The following ST3GAL3 variants were observed in gnomAD, a reference collection of about 807,000 sequenced individuals.
The protein encoded by ST3GAL3 is CMP-N-acetylneuraminate-beta-1,4-galactoside alpha-2,3-sialyltransferase.
In ST3GAL3, 21 loss-of-function variants were observed where a neutral mutation model predicts 50.1. That is an observed-to-expected ratio of 0.42 (90% CI 0.30 to 0.60). The LOEUF (loss-of-function observed/expected upper bound fraction) is 0.60, where lower values mean the gene tolerates loss of function less well. Among genes scored for constraint, ST3GAL3 ranks in the 20% least tolerant of loss-of-function variants. The probability of loss-of-function intolerance (pLI) is 0.19; values close to 1 mark genes in which losing one functional copy is unlikely to be tolerated. For missense variants in ST3GAL3, 353 were observed against 489.4 expected, an observed-to-expected ratio of 0.72 and a Z score of 2.63; for synonymous variants, 183 against 190.0, an observed-to-expected ratio of 0.96 and a Z score of 0.30.
At chr1:43,887,778 G>C (rs1054494789) in intron 5 of ST3GAL3, among the ~76,000 whole-genome samples, 1 of 152,118 alleles carries the variant, frequency 6.6e-6, no homozygotes, top group Non-Finnish European at 1.5e-5. Context: ...TGATGGAGGT[G>C]AGGATGATGT....
chr1:43,869,057 AAGG>A (rs1259095183), intron 5 of ST3GAL3, among the ~76,000 whole-genome samples: 1 of 152,146 alleles, frequency 6.6e-6, no homozygotes, highest in Non-Finnish European at 1.5e-5. Flanking sequence ...GGGTAAGTCC[AAGG>A]AGAAGATGGT....
chr1:43,844,554 G>A (rs890863168), intron 5 of ST3GAL3, among the ~76,000 whole-genome samples: 1 of 152,180 alleles, frequency 6.6e-6, no homozygotes, highest in Admixed American at 6.5e-5. Flanking sequence ...GCTTACGCCT[G>A]TAATCGCAGC....
At position 43,928,877 on chromosome 1, in the gene ST3GAL3, C is replaced by A. The variant is rs1221120341; in HGVS notation, c.1039-1255C>A. 2.6e-5 allele frequency among the ~76,000 whole-genome samples: 4 copies of A among 152,162 alleles called. No homozygotes were observed. In the East Asian group the frequency reaches 7.7e-4, roughly 29 times the overall value. On this transcript the variant is annotated intron_variant, in intron 11 of 11. Coordinates refer to ENST00000347631, the MANE Select transcript of ST3GAL3 (RefSeq NM_006279.5). Reference sequence around the variant, plus strand: ...TGAGCTGAGATCACACCACTGCACACCAGCCTGGGCAACAAGAGCGAAACT... The same window carrying A: ...TGAGCTGAGATCACACCACTGCACAACAGCCTGGGCAACAAGAGCGAAACT...
intron 1 of ST3GAL3, among the ~76,000 whole-genome samples, chr1:43,725,086 C>T (rs914607818): frequency 1.3e-5 from 2 of 152,158 alleles, no homozygotes; most frequent in African/African-American, 4.8e-5. Context: ...GAGCCACTTC[C>T]CTCTCTGGGA....
chr1:43,898,905 C>T (rs1367975438), intron 7 of ST3GAL3, among the ~76,000 whole-genome samples: 2 of 152,218 alleles, frequency 1.3e-5, no homozygotes, highest in South Asian at 2.1e-4. Context: ...TCACCACCCA[C>T]GCCTGGCACC....
intron 2 of ST3GAL3, 172 bp downstream of exon 2, chr1:43,736,552 A>C: frequency 1.7e-6 from 2 of 1,166,834 alleles, no homozygotes; most frequent in Non-Finnish European, 2.5e-6. Flanking sequence ...TAGGCTGAGA[A>C]CTTTGATGTT....
intron 2 of ST3GAL3, among the ~76,000 whole-genome samples, chr1:43,744,704 T>TAA (rs1682811429): frequency 1.5e-5 from 2 of 137,596 alleles, no homozygotes; most frequent in East Asian, 2.2e-4. Context: ...AAATAAAAAA[T>TAA]AAAATAAAAT....
chr1:43,770,928 T>A (rs1045798557), intron 2 of ST3GAL3, among the ~76,000 whole-genome samples: 2 of 152,260 alleles, frequency 1.3e-5, no homozygotes, highest in African/African-American at 4.8e-5. Flanking sequence ...CGTCCTCTCA[T>A]GGCCTACAAG....
chr1:43,879,036 GAGA>G, intron 5 of ST3GAL3: 1 of 456,254 alleles, frequency 2.2e-6, no homozygotes, highest in Non-Finnish European at 4.4e-6. Flanking sequence ...GAGAAAACAA[GAGA>G]AGATGACATG....
intron 11 of ST3GAL3, among the ~76,000 whole-genome samples, chr1:43,928,186 A>C (rs533236968): frequency 7.7e-4 from 118 of 152,326 alleles, no homozygotes; most frequent in Non-Finnish European, 1.2e-3. Context: ...TGGGGTTTCT[A>C]TATGTTGCCC....
At chr1:43,917,650 A>T (rs1419380633) in intron 9 of ST3GAL3, among the ~76,000 whole-genome samples, 4 of 57,316 alleles carry the variant, frequency 7.0e-5, no homozygotes, top group Non-Finnish European at 1.5e-4. Context: ...ATAATATATA[A>T]TATAATATAT....
intron 1 of ST3GAL3, chr1:43,709,265 A>C (rs1340695357): frequency 2.0e-5 from 3 of 152,286 alleles, no homozygotes; most frequent in African/African-American, 4.8e-5. Context: ...TGATGGCATT[A>C]ATCCAAGAGG....
chr1:43,760,921 A>G (rs185718354), intron 2 of ST3GAL3, among the ~76,000 whole-genome samples: 5 of 152,376 alleles, frequency 3.3e-5, no homozygotes, highest in South Asian at 2.1e-4. Flanking sequence ...TAATGCTACA[A>G]TATGGATGAG....
chr1:43,925,891 G>A (rs138893858), intron 11 of ST3GAL3, among the ~76,000 whole-genome samples: 139 of 152,276 alleles, frequency 9.1e-4, no homozygotes, highest in African/African-American at 3.2e-3. Context: ...GGTGGCCGTC[G>A]GATGTAGCTG....
chr1:43,887,665 G>A (rs1558736612), intron 5 of ST3GAL3, among the ~76,000 whole-genome samples: 1 of 152,112 alleles, frequency 6.6e-6, no homozygotes, highest in East Asian at 1.9e-4. Context: ...AGCAAGAATT[G>A]GGTTTGCGTA....
intron 4 of ST3GAL3, among the ~76,000 whole-genome samples, chr1:43,818,653 A>C (rs1426052836): frequency 6.6e-6 from 1 of 152,216 alleles, no homozygotes; most frequent in Non-Finnish European, 1.5e-5. Flanking sequence ...CTGAAATTGG[A>C]ATTACCACAC....
At chr1:43,858,034 T>A in intron 5 of ST3GAL3, 1 of 824,852 alleles carries the variant, frequency 1.2e-6, no homozygotes, top group Non-Finnish European at 1.7e-6. Flanking sequence ...GTTTGAGAAG[T>A]GTCGGACTAC....
intron 11 of ST3GAL3, among the ~76,000 whole-genome samples, chr1:43,923,664 G>C (rs1300222399): frequency 6.6e-6 from 1 of 152,268 alleles, no homozygotes; most frequent in East Asian, 1.9e-4. Flanking sequence ...TGCCCAAGCT[G>C]GAGTGCAGTG....
chr1:43,868,670 C>T (rs530840277), intron 5 of ST3GAL3, among the ~76,000 whole-genome samples: 1 of 152,286 alleles, frequency 6.6e-6, no homozygotes, highest in Admixed American at 6.5e-5. Flanking sequence ...AAACCCTTCC[C>T]AGGGCTCTGG....
Sources: allele counts gnomAD v4.1 joint callset (sites outside exome capture counted in the v4.1 genomes callset), GRCh38; gene constraint gnomAD v4.1.1; transcripts MANE v1.5; gene names NCBI Gene and HGNC (gene_info 2026-07-23, HGNC 2026-07-21).